Variants in PEPD observed in about 807,000 individuals in gnomAD.
PEPD encodes xaa-Pro dipeptidase.
PEPD carries 53 observed loss-of-function variants against 60.7 expected under a neutral mutation model. The observed-to-expected ratio is 0.87, with a 90% confidence interval of 0.70 to 1.10. The LOEUF is 1.10. PEPD is among the 50% of genes least tolerant of loss of function. The pLI is 0.00. For missense variants in PEPD, 711 were observed against 711.9 expected, an observed-to-expected ratio of 1.00 and a Z score of 0.01; for synonymous variants, 267 against 284.1, an observed-to-expected ratio of 0.94 and a Z score of 0.60.
chr19:33,387,895 C>G lies in PEPD; in HGVS notation c.1339G>C (p.Gly447Arg). ...REVLQRFRGF[G>R]GVRIEEDVVV... Reference sequence around the variant, plus strand: ...TGGGGCCCGTGGGCACTCACCCCGCCAAAACCGCGAAAGCGCTGCAGGACC... The same window carrying G: ...TGGGGCCCGTGGGCACTCACCCCGCGAAAACCGCGAAAGCGCTGCAGGACC... The change falls in exon 14 of 15, where the codon GGC (glycine) becomes CGC (arginine). Residue 447 changes from glycine to arginine, a missense_variant. Transcript: ENST00000244137. 7 of 1,567,308 alleles carry G rather than the reference C, an allele frequency of 4.5e-6. No individual in the cohort carries two copies. Among genetic ancestry groups the G allele is most frequent in the Non-Finnish European group, 3.5e-6 (4 of 1,156,632 alleles).
intron 9 of PEPD, among the ~76,000 whole-genome samples, chr19:33,459,587 C>A (rs549951107): frequency 6.6e-6 from 1 of 152,074 alleles, no homozygotes. Flanking sequence ...ACCTCAATTG[C>A]GGAAAATGAT....
rs766661930 is a variant in PEPD at position 33,388,165 on chromosome 19, C to T, written c.1153-84G>A. The T allele has an allele frequency of 2.3e-5, 27 of 1,161,406 alleles. No homozygotes were observed. In the Admixed American group the frequency reaches 2.4e-4, roughly 10 times the overall value. The allele number at this position is 1,161,406 out of a possible 1,614,324, so 71.9% of individuals were successfully genotyped here. On this transcript the variant is annotated intron_variant, in intron 13 of 14. Transcript: ENST00000244137. ...TCAGGAGAGATGGGCATGTGAGGGC[C>T]GGTGCCAGTCTCGTGGGCTCTCTTG...
At chr19:33,387,732 G>A in intron 14 of PEPD, 158 bp downstream of exon 14, 2 of 772,076 alleles carry the variant, frequency 2.6e-6, no homozygotes, top group Non-Finnish European at 4.4e-6. Flanking sequence ...CTACTGAGGG[G>A]TGAGGCTCCA....
intron 9 of PEPD, among the ~76,000 whole-genome samples, chr19:33,459,343 C>T (rs1264983438): frequency 6.6e-6 from 1 of 152,206 alleles, no homozygotes; most frequent in Admixed American, 6.5e-5. Flanking sequence ...CGTTATTAAT[C>T]TCCTTGTGGC....
intron 9 of PEPD, among the ~76,000 whole-genome samples, chr19:33,421,931 A>C (rs1258097941): frequency 6.6e-6 from 1 of 152,014 alleles, no homozygotes; most frequent in African/African-American, 2.4e-5. Context: ...GTGAATGGTG[A>C]TGGTGGTCTG....
At chr19:33,400,267 C>T (rs1041305659) in intron 12 of PEPD, among the ~76,000 whole-genome samples, 1 of 152,176 alleles carries the variant, frequency 6.6e-6, no homozygotes, top group Non-Finnish European at 1.5e-5. Context: ...TGGAGGGACT[C>T]CAGGCTGCAG....
chr19:33,422,809 C>CTTCTAT lies in PEPD; in HGVS notation c.672-9167_672-9166insATAGAA, dbSNP rs1251977943. ...CCCTCCCTCTATCTATCCATCCATC[C>CTTCTAT]ATCCTTCTATATCTATCTATCTATC... is the stretch of plus-strand genomic sequence containing the variant. On this transcript the variant is annotated intron_variant, in intron 9 of 14. Coordinates refer to ENST00000244137, the MANE Select transcript of PEPD (RefSeq NM_000285.4). Among the ~76,000 whole-genome samples the CTTCTAT allele has an allele frequency of 5.3e-3, 494 of 92,634 alleles. 6 individuals are homozygous for CTTCTAT. Among genetic ancestry groups the CTTCTAT allele is most frequent in the African/African-American group, 0.021 (455 of 22,012 alleles). The allele number at this position is 92,634 out of a possible 152,430, so 60.8% of individuals were successfully genotyped here.
At chr19:33,510,558 T>C (rs1970903933) in intron 3 of PEPD, among the ~76,000 whole-genome samples, 1 of 152,170 alleles carries the variant, frequency 6.6e-6, no homozygotes, top group African/African-American at 2.4e-5. Flanking sequence ...CAGGGAGCCA[T>C]GGATGTTCTA....
chr19:33,490,085 C>G (rs190945037), intron 5 of PEPD, 28 bp from the exon 6 acceptor site: 153 of 1,571,826 alleles, frequency 9.7e-5, no homozygotes, highest in Non-Finnish European at 1.1e-5. Flanking sequence ...AGACATGACA[C>G]ACGGGGCCGC....
intron 6 of PEPD, among the ~76,000 whole-genome samples, chr19:33,488,717 G>C (rs1299038957): frequency 6.6e-6 from 1 of 152,164 alleles, no homozygotes; most frequent in Admixed American, 6.5e-5. Flanking sequence ...CTTAGCATAG[G>C]GGGAGGTGGG....
At chr19:33,497,249 T>C (rs986406137) in intron 4 of PEPD, among the ~76,000 whole-genome samples, 1 of 152,248 alleles carries the variant, frequency 6.6e-6, no homozygotes, top group African/African-American at 2.4e-5. Flanking sequence ...GCTGCTGCGG[T>C]TGTCCTCTTA....
intron 11 of PEPD, among the ~76,000 whole-genome samples, chr19:33,407,364 G>A (rs1305524074): frequency 1.3e-5 from 2 of 152,258 alleles, no homozygotes; most frequent in Non-Finnish European, 2.9e-5. Context: ...TGCGAAGCTT[G>A]CTGGCCTGCA....
At chr19:33,486,179 T>G (rs915254103) in intron 6 of PEPD, among the ~76,000 whole-genome samples, 5 of 152,052 alleles carry the variant, frequency 3.3e-5, no homozygotes, top group Non-Finnish European at 5.9e-5. Flanking sequence ...GAGCCTATCT[T>G]GCCATCCGCA....
At chr19:33,416,449 C>T (rs1259832561) in intron 9 of PEPD, among the ~76,000 whole-genome samples, 1 of 152,216 alleles carries the variant, frequency 6.6e-6, no homozygotes, top group African/African-American at 2.4e-5. Context: ...CCACTGCGAC[C>T]ATCTCCATAG....
At chr19:33,485,055 G>C (rs563260279) in intron 6 of PEPD, among the ~76,000 whole-genome samples, 2 of 152,170 alleles carry the variant, frequency 1.3e-5, no homozygotes, top group Non-Finnish European at 2.9e-5. Context: ...CAAAGCCCCT[G>C]TCCCAGGCCA....
chr19:33,520,361 TTGTC>T (rs1568516781), intron 1 of PEPD, among the ~76,000 whole-genome samples: 3 of 152,192 alleles, frequency 2.0e-5, no homozygotes, highest in Admixed American at 2.0e-4. Context: ...ATCTGAGACT[TTGTC>T]TGCACTGTTC....
At position 33,521,580 on chromosome 19, in the gene PEPD, A is replaced by G. The variant is rs376066220; in HGVS notation, c.17+164T>C. Among the ~76,000 whole-genome samples the G allele has an allele frequency of 4.7e-4, 71 of 152,322 alleles. No homozygotes were observed. In the East Asian group the frequency reaches 0.011, roughly 24 times the overall value. ...GGCCCCCGCGCTGACCCTGACTCGG[A>G]GCGTGCAGCTCGCCGACCGGCGCTG... On this transcript the variant is annotated intron_variant, in intron 1 of 14. Transcript: ENST00000244137.
intron 7 of PEPD, among the ~76,000 whole-genome samples, chr19:33,466,487 C>G (rs998858588): frequency 6.6e-6 from 1 of 152,200 alleles, no homozygotes; most frequent in African/African-American, 2.4e-5. Context: ...GGCTTTAGAT[C>G]TAACTTCCAG....
At chr19:33,452,365 A>G (rs1600127050) in intron 9 of PEPD, among the ~76,000 whole-genome samples, 2 of 152,214 alleles carry the variant, frequency 1.3e-5, no homozygotes, top group East Asian at 3.8e-4. Context: ...AAAAATAAAA[A>G]ATAAACTAAG....
Sources: gnomAD v4.1 joint callset for allele counts (sites outside exome capture counted in the v4.1 genomes callset) on GRCh38, gnomAD v4.1.1 for gene constraint, MANE v1.5 for transcripts, NCBI Gene and HGNC (gene_info 2026-07-23, HGNC 2026-07-21) for gene names.